The following TTC7B variants were observed in gnomAD, a reference collection of about 807,000 sequenced individuals.
The protein encoded by TTC7B is tetratricopeptide repeat protein 7B.
A neutral mutation model predicts 106.8 loss-of-function variants in TTC7B; 28 were observed. The ratio of observed to expected loss-of-function variants is 0.26; its 90% CI spans 0.19 to 0.36. TTC7B has a LOEUF of 0.36. TTC7B is among the 10% of genes least tolerant of loss of function. The pLI is 1.00. For synonymous variants in TTC7B, 405 were observed against 430.6 expected (o/e 0.94, Z 0.74); for missense variants, 862 against 1,076.4 (o/e 0.80, Z 2.79).
chr14:90,589,148 G>A (rs1170920502), intron 18 of TTC7B, among the ~76,000 whole-genome samples: 1 of 152,182 alleles, frequency 6.6e-6, no homozygotes, highest in African/African-American at 2.4e-5. Context: ...TGACTGGAAT[G>A]TAAACTGGTA....
chr14:90,674,408 A>G (rs970509469), intron 9 of TTC7B, among the ~76,000 whole-genome samples: 2 of 152,244 alleles, frequency 1.3e-5, no homozygotes, highest in Admixed American at 6.5e-5. Context: ...CTGAGACAAC[A>G]CAGTTGGTGA....
chr14:90,605,837 T>C (rs1892618010), intron 17 of TTC7B: 2 of 1,074,516 alleles, frequency 1.9e-6, no homozygotes, highest in Admixed American at 3.9e-5. Flanking sequence ...AAACTCGCTT[T>C]TAATATACTC....
At chr14:90,689,442 A>T in intron 7 of TTC7B, 98 bp downstream of exon 7, 1 of 1,086,484 alleles carries the variant, frequency 9.2e-7, no homozygotes, top group Non-Finnish European at 1.3e-6. Flanking sequence ...ATTTTCTTTT[A>T]AGGAAAAAAT....
intron 3 of TTC7B, among the ~76,000 whole-genome samples, chr14:90,763,597 A>T (rs1252599475): frequency 6.6e-6 from 1 of 152,234 alleles, no homozygotes; most frequent in Non-Finnish European, 1.5e-5. Context: ...ATGATCTTAC[A>T]TATTTTAAAG....
chr14:90,597,137 T>C (rs1007688567), intron 17 of TTC7B, among the ~76,000 whole-genome samples: 2 of 152,332 alleles, frequency 1.3e-5, no homozygotes, highest in Non-Finnish European at 2.9e-5. Context: ...AATTTCTTGG[T>C]ACACACATTT....
intron 3 of TTC7B, among the ~76,000 whole-genome samples, chr14:90,771,787 T>A (rs930743769): frequency 1.3e-5 from 2 of 151,436 alleles, no homozygotes; most frequent in East Asian, 3.9e-4. Context: ...ATATAATGCG[T>A]GTGTGTGCAC....
At chr14:90,636,969 GA>G (rs950423011) in intron 15 of TTC7B, among the ~76,000 whole-genome samples, 43 of 118,088 alleles carry the variant, frequency 3.6e-4, no homozygotes, top group East Asian at 1.9e-3. Flanking sequence ...AAGAGATTAA[GA>G]AAAAAAAAAA....
intron 17 of TTC7B, among the ~76,000 whole-genome samples, chr14:90,595,597 T>G (rs1892169599): frequency 6.6e-6 from 1 of 152,174 alleles, no homozygotes; most frequent in South Asian, 2.1e-4. Context: ...TTAGTAGCAA[T>G]GAAAGTTAAA....
intron 1 of TTC7B, among the ~76,000 whole-genome samples, chr14:90,800,030 C>T (rs563940499): frequency 6.6e-6 from 1 of 152,186 alleles, no homozygotes; most frequent in South Asian, 2.1e-4. Context: ...GTCAGGGTTT[C>T]ACCGTGTTAG....
chr14:90,603,307 GGAACAACA>G (rs1365351036), intron 17 of TTC7B: 1 of 1,288,782 alleles, frequency 7.8e-7, no homozygotes, highest in Non-Finnish European at 1.0e-6. Flanking sequence ...GAGTTGCCTT[GGAACAACA>G]GATCAAACCA....
chr14:90,766,883 G>C, intron 3 of TTC7B: 2 of 1,593,792 alleles, frequency 1.3e-6, no homozygotes, highest in Middle Eastern at 2.3e-4. Flanking sequence ...AAGAAGATTC[G>C]GGCCCATAGA....
chr14:90,564,989 TTC>T (rs1215542588), intron 19 of TTC7B, among the ~76,000 whole-genome samples: 1 of 152,246 alleles, frequency 6.6e-6, no homozygotes, highest in Non-Finnish European at 1.5e-5. Context: ...TTGCTGCAGC[TTC>T]TCTGTCTGCA....
intron 9 of TTC7B, among the ~76,000 whole-genome samples, chr14:90,659,260 GTGTGTGTT>G (rs1886087874): frequency 6.6e-6 from 1 of 151,340 alleles, no homozygotes; most frequent in African/African-American, 2.4e-5. Flanking sequence ...GAGTGTGTGT[GTGTGTGTT>G]TGAGAGAGAG....
chr14:90,541,699 G>C, intron 19 of TTC7B, 110 bp from the exon 20 acceptor site: 1 of 812,886 alleles, frequency 1.2e-6, no homozygotes, highest in East Asian at 2.9e-5. Context: ...GGAATATATC[G>C]CCATTGGGCT....
intron 5 of TTC7B, chr14:90,699,248 G>A (rs1315046678): frequency 2.2e-6 from 1 of 453,972 alleles, no homozygotes; most frequent in Admixed American, 2.4e-5. Flanking sequence ...AGGAGGAAAT[G>A]TAAATGGGAA....
At chr14:90,589,130 C>T (rs1327474537) in intron 18 of TTC7B, among the ~76,000 whole-genome samples, 3 of 152,172 alleles carry the variant, frequency 2.0e-5, no homozygotes, top group Non-Finnish European at 4.4e-5. Context: ...TGGACGTTAG[C>T]ACATTGTTGA....
At chr14:90,646,720 G>A (rs1272618058) in intron 14 of TTC7B, 2 of 524,772 alleles carry the variant, frequency 3.8e-6, no homozygotes, top group African/African-American at 1.9e-5. Flanking sequence ...CCCTCCAGCT[G>A]TGTGGATTTA....
intron 1 of TTC7B, among the ~76,000 whole-genome samples, chr14:90,796,528 G>A (rs892393243): frequency 6.6e-6 from 1 of 152,214 alleles, no homozygotes; most frequent in African/African-American, 2.4e-5. Flanking sequence ...GGGAAGGTGG[G>A]GCTGTGGCCT....
At chr14:90,646,734 T>C in intron 14 of TTC7B, 1 of 549,426 alleles carries the variant, frequency 1.8e-6, no homozygotes, top group South Asian at 2.1e-5. Flanking sequence ...GGATTTAATG[T>C]CCAATAGCAG....
Sources: allele counts gnomAD v4.1 joint callset (sites outside exome capture counted in the v4.1 genomes callset), GRCh38; gene constraint gnomAD v4.1.1; transcripts MANE v1.5; gene names NCBI Gene and HGNC (gene_info 2026-07-23, HGNC 2026-07-21).